KCND2: variants seen among roughly 807,000 people sequenced by gnomAD.
The protein encoded by KCND2 is potassium voltage-gated channel subfamily D member 2, also known as A-type voltage-gated potassium channel KCND2.
KCND2 carries 16 observed loss-of-function variants against 54.4 expected under a neutral mutation model. That is an observed-to-expected ratio of 0.29 (90% CI 0.20 to 0.45). The LOEUF (loss-of-function observed/expected upper bound fraction) is 0.45. KCND2 is among the 20% of genes least tolerant of loss of function. KCND2 has a pLI of 1.00. For missense variants in KCND2, 486 were observed against 824.2 expected (o/e 0.59, Z 5.02); for synonymous variants, 317 against 310.7 (o/e 1.02, Z -0.21).
At chr7:120,547,783 T>C (rs1489060830) in intron 1 of KCND2, among the ~76,000 whole-genome samples, 2 of 152,076 alleles carry the variant, frequency 1.3e-5, no homozygotes, top group African/African-American at 4.8e-5. Context: ...CTATAGAATG[T>C]CATCACGTGA....
intron 1 of KCND2, among the ~76,000 whole-genome samples, chr7:120,425,145 G>A (rs957396952): frequency 6.6e-6 from 1 of 151,928 alleles, no homozygotes; most frequent in African/African-American, 2.4e-5. Context: ...GCTCTTCACT[G>A]CTATGTTTAT....
Position 120,741,632 on chromosome 7 carries a change from ACAAT to A in KCND2, c.1374+8_1374+11del. 2 of 1,575,138 alleles carry A rather than the reference ACAAT, an allele frequency of 1.3e-6. No individual in the cohort carries two copies. The highest frequency in any genetic ancestry group is 1.3e-5 in the African/African-American group (1 of 74,212). ...GTTTACTCAGTAATCAGCTGCAGGTACAATCAATTACATCTCTTTTTTTAATGTT... is the reference window on the plus strand; with the variant it reads ...GTTTACTCAGTAATCAGCTGCAGGTACAATTACATCTCTTTTTTTAATGTT... On this transcript the variant is annotated splice_donor_5th_base_variant and intron_variant, in intron 3 of 5. Coordinates refer to ENST00000331113, the MANE Select transcript of KCND2 (RefSeq NM_012281.3).
In KCND2 at chr7:120,474,885, AT is replaced by A. The variant is rs564510122; in HGVS notation, c.1115+199148del. Among the ~76,000 whole-genome samples the A allele has an allele frequency of 2.0e-3, 302 of 150,068 alleles. 2 individuals carry two copies. The highest frequency in any genetic ancestry group is 3.7e-3 in the Non-Finnish European group (252 of 67,370). On this transcript the variant is annotated intron_variant, in intron 1 of 5. Coordinates refer to ENST00000331113, the MANE Select transcript of KCND2 (RefSeq NM_012281.3). ...TCATCTTCTTACCTCAAAGTTTTCA[AT>A]TTTTTTTTTAAAGAGATGGAGTCTT...
intron 1 of KCND2, among the ~76,000 whole-genome samples, chr7:120,339,651 G>A (rs1800211329): frequency 6.6e-6 from 1 of 151,966 alleles, no homozygotes; most frequent in Non-Finnish European, 1.5e-5. Flanking sequence ...ACTATTCTAG[G>A]CACTTGGGTT....
At chr7:120,577,677 C>T (rs537769371) in intron 1 of KCND2, among the ~76,000 whole-genome samples, 3 of 152,184 alleles carry the variant, frequency 2.0e-5, no homozygotes, top group Non-Finnish European at 4.4e-5. Context: ...CCTCCGCCTC[C>T]GGGGTTCACA....
At chr7:120,439,437 A>G (rs1180628014) in intron 1 of KCND2, among the ~76,000 whole-genome samples, 1 of 152,110 alleles carries the variant, frequency 6.6e-6, no homozygotes, top group Non-Finnish European at 1.5e-5. Flanking sequence ...ACACATATAT[A>G]TGGTATGTAA....
intron 1 of KCND2, among the ~76,000 whole-genome samples, chr7:120,704,984 T>A (rs570561390): frequency 6.6e-6 from 1 of 152,172 alleles, no homozygotes; most frequent in African/African-American, 2.4e-5. Flanking sequence ...AAACCCTTTT[T>A]AAAAAGAATT....
intron 1 of KCND2, among the ~76,000 whole-genome samples, chr7:120,447,355 AAAAAAAAAAAG>A (rs1022762938): frequency 1.2e-4 from 17 of 139,032 alleles, no homozygotes; most frequent in East Asian, 3.9e-4. Context: ...TACCCTGGTG[AAAAAAAAAAAG>A]AAAAAAAAAA....
chr7:120,550,115 A>T (rs1584823658), intron 1 of KCND2, among the ~76,000 whole-genome samples: 1 of 151,268 alleles, frequency 6.6e-6, no homozygotes, highest in Non-Finnish European at 1.5e-5. Flanking sequence ...TCATCTCACC[A>T]CCCTGCCACC....
intron 1 of KCND2, among the ~76,000 whole-genome samples, chr7:120,668,621 A>C (rs1164755853): frequency 6.6e-6 from 1 of 152,090 alleles, no homozygotes; most frequent in African/African-American, 2.4e-5. Context: ...ATAAAATTTT[A>C]ATAGAAATAT....
At chr7:120,335,468 C>CTTATTCAT (rs1554428369) in intron 1 of KCND2, among the ~76,000 whole-genome samples, 1 of 110,662 alleles carries the variant, frequency 9.0e-6, no homozygotes, top group East Asian at 2.3e-4. Context: ...TACTTACTTA[C>CTTATTCAT]TTATTTATTT....
chr7:120,453,824 C>T (rs143024289), intron 1 of KCND2, among the ~76,000 whole-genome samples: 70 of 152,310 alleles, frequency 4.6e-4, no homozygotes, highest in African/African-American at 1.6e-3. Flanking sequence ...CAATGGCTCA[C>T]ACCTGTAATC....
rs1792951852 is a variant in KCND2 at position 120,742,305 on chromosome 7, T to G, written c.1375-205T>G. The G allele has an allele frequency of 3.8e-5, 21 of 558,708 alleles. No individual in the cohort carries two copies. The South Asian group carries it at 4.2e-4, about 11-fold the overall frequency. 34.6% of individuals were successfully genotyped at this position (558,708 alleles called of 1,614,324 possible). On this transcript the variant is annotated intron_variant, in intron 3 of 5. Coordinates refer to ENST00000331113, the MANE Select transcript of KCND2 (RefSeq NM_012281.3). ...TCAAATTTCAATTCAAGGAGGCATG[T>G]CTAAAAGACCAGACCATTCATTTGA... is the stretch of plus-strand genomic sequence containing the variant.
At chr7:120,331,557 T>C (rs1800069591) in intron 1 of KCND2, among the ~76,000 whole-genome samples, 1 of 151,360 alleles carries the variant, frequency 6.6e-6, no homozygotes. Flanking sequence ...TTGAGGGAGG[T>C]ATGAGAAAAG....
At chr7:120,694,977 G>GGCCAACCTCCTCT (rs913806347) in intron 1 of KCND2, among the ~76,000 whole-genome samples, 2 of 151,860 alleles carry the variant, frequency 1.3e-5, no homozygotes, top group Non-Finnish European at 2.9e-5. Flanking sequence ...TCTCCTCCTT[G>GGCCAACCTCCTCT]GCCAACCTCC....
chr7:120,496,511 G>A lies in KCND2; in HGVS notation c.1115+220764G>A, dbSNP rs539532920. On this transcript the variant is annotated intron_variant, in intron 1 of 5. Transcript: ENST00000331113. Reference sequence around the variant, plus strand: ...GCCATCTCGGCTCACTGTAAGCTCCGCCTCCCAGTTTCACGCCATTCTCCT... The same window carrying A: ...GCCATCTCGGCTCACTGTAAGCTCCACCTCCCAGTTTCACGCCATTCTCCT... Among the ~76,000 whole-genome samples the A allele has an allele frequency of 1.1e-4, 16 of 151,940 alleles. 1 individual carries two copies. The highest frequency in any genetic ancestry group is 4.2e-4 in the South Asian group (2 of 4,808).
intron 2 of KCND2, among the ~76,000 whole-genome samples, chr7:120,734,263 C>T (rs1350278787): frequency 6.6e-6 from 1 of 152,128 alleles, no homozygotes; most frequent in Non-Finnish European, 1.5e-5. Context: ...AGTCTGTTTA[C>T]TCCTCCATGT....
chr7:120,599,700 T>C (rs1180783030), intron 1 of KCND2, among the ~76,000 whole-genome samples: 1 of 152,032 alleles, frequency 6.6e-6, no homozygotes, highest in Non-Finnish European at 1.5e-5. Context: ...TAATAGCTTT[T>C]TTGTAGATTT....
At chr7:120,507,349 T>TG (rs1803040288) in intron 1 of KCND2, among the ~76,000 whole-genome samples, 1 of 151,884 alleles carries the variant, frequency 6.6e-6, no homozygotes, top group Non-Finnish European at 1.5e-5. Flanking sequence ...GACTTCTAGT[T>TG]ACCCTCACTA....
Sources: gnomAD v4.1 joint callset for allele counts (sites outside exome capture counted in the v4.1 genomes callset) on GRCh38, gnomAD v4.1.1 for gene constraint, MANE v1.5 for transcripts, NCBI Gene and HGNC (gene_info 2026-07-23, HGNC 2026-07-21) for gene names.